Variants in NAPG observed in about 807,000 individuals in gnomAD.
NAPG encodes the protein gamma-soluble NSF attachment protein.
In NAPG, 25 loss-of-function variants were observed where a neutral mutation model predicts 48.4. The ratio of observed to expected loss-of-function variants is 0.52; its 90% CI spans 0.38 to 0.72. The LOEUF (loss-of-function observed/expected upper bound fraction) is 0.72. NAPG is among the 30% of genes least tolerant of loss of function. The pLI is 0.00. For synonymous variants in NAPG, 139 were observed against 127.2 expected, an observed-to-expected ratio of 1.09 and a Z score of -0.62; for missense variants, 359 against 372.5, an observed-to-expected ratio of 0.96 and a Z score of 0.30.
chr18:10,526,258 C>G lies in NAPG; in HGVS notation c.56+100C>G, dbSNP rs540155346. The stretch of plus-strand genomic sequence containing the variant: ...GGGGGGCGGGAGGGAGGGCTCAGGG[C>G]TGAGGGGCCTCGGCGCGCTGGTGCC... On this transcript the variant is annotated intron_variant, in intron 1 of 11. Transcript: ENST00000322897. The G allele has an allele frequency of 7.1e-4, 562 of 791,932 alleles. 1 individual carries two copies. The African/African-American group carries it at 8.3e-3, about 12-fold the overall frequency. The allele number at this position is 791,932 out of a possible 1,614,324, so 49.1% of individuals were successfully genotyped here.
intron 1 of NAPG, 81 bp downstream of exon 1, chr18:10,526,239 C>CCTTAACCCCCGGGGGGGGGG: frequency 2.9e-6 from 1 of 349,038 alleles, no homozygotes; most frequent in Non-Finnish European, 5.8e-6. Flanking sequence ...CCGGGGGGGG[C>CCTTAACCCCCGGGGGGGGGG]GGGAGGGAGG....
At chr18:10,530,534 A>G (rs546506136) in intron 1 of NAPG, among the ~76,000 whole-genome samples, 1 of 152,162 alleles carries the variant, frequency 6.6e-6, no homozygotes, top group East Asian at 1.9e-4. Flanking sequence ...TGGTCCAGGG[A>G]CCATGAATTG....
rs769140258 is a variant in NAPG, at chr18:10,533,561, T to A, written c.227+8T>A. The stretch of plus-strand genomic sequence containing the variant: ...TCTTTTTCATGCTGCCAAGTAAGTA[T>A]TCTTCATGTTTTCATGTATTTGCAA... On this transcript the variant is annotated splice_region_variant and intron_variant, in intron 4 of 11. Transcript: ENST00000322897. The A allele has an allele frequency of 1.2e-5, 19 of 1,596,970 alleles. No individual in the cohort carries two copies. Among genetic ancestry groups the A allele is most frequent in the Non-Finnish European group, 1.4e-5 (17 of 1,173,308 alleles).
intron 8 of NAPG, among the ~76,000 whole-genome samples, chr18:10,541,594 A>G (rs1021593831): frequency 9.2e-5 from 14 of 152,292 alleles, no homozygotes; most frequent in Admixed American, 2.0e-4. Flanking sequence ...TCTTAGAAAC[A>G]GTGTCCTTCA....
chr18:10,531,216 G>A (rs1490094712), intron 2 of NAPG, among the ~76,000 whole-genome samples: 6 of 152,002 alleles, frequency 3.9e-5, no homozygotes, highest in African/African-American at 1.4e-4. Context: ...TGTTAACTTA[G>A]CCTCATCTTA....
chr18:10,532,412 G>GT, intron 2 of NAPG, among the ~76,000 whole-genome samples: 1 of 152,290 alleles, frequency 6.6e-6, no homozygotes, highest in Admixed American at 6.5e-5. Flanking sequence ...TTACTGGGGA[G>GT]TATTGGGGAG....
chr18:10,537,691 C>T (rs2143113901), intron 5 of NAPG, among the ~76,000 whole-genome samples: 1 of 152,280 alleles, frequency 6.6e-6, no homozygotes, highest in African/African-American at 2.4e-5. Context: ...AGATATTTTT[C>T]AGCAGATATT....
chr18:10,533,289 CTT>C (rs2031967578), intron 3 of NAPG: 1 of 378,810 alleles, frequency 2.6e-6, no homozygotes, highest in Non-Finnish European at 4.7e-6. Context: ...TTCAGTAAAA[CTT>C]CAGATTATTG....
In NAPG at chr18:10,552,013, A is replaced by C. The variant is rs1386200325; in HGVS notation, c.*1793A>C. On this transcript the variant is annotated 3_prime_UTR_variant, in exon 12 of 12. Coordinates refer to ENST00000322897, the MANE Select transcript of NAPG (RefSeq NM_003826.3). ...TTGCAGCTTGTATCCTTTAGATCCA[A>C]TCGGAAACTTCTGGAGTCTTACATT... 6.6e-6 allele frequency: 1 copy of C among 152,206 alleles called. No individual in the cohort carries two copies. The highest frequency in any genetic ancestry group is 1.5e-5 in the Non-Finnish European group (1 of 68,034). 9.4% of individuals were successfully genotyped at this position (152,206 alleles called of 1,614,324 possible).
rs2031800766 is a variant in NAPG at position 10,526,091 on chromosome 18, C to T, written c.-12C>T. Reference sequence around the variant, plus strand: ...GTCACCCTCTCTCCACGTCAGAGACCTGACTGTGGAGATGGCGGCTCAGAA... The same window carrying T: ...GTCACCCTCTCTCCACGTCAGAGACTTGACTGTGGAGATGGCGGCTCAGAA... On this transcript the variant is annotated 5_prime_UTR_variant, in exon 1 of 12. Coordinates refer to ENST00000322897, the MANE Select transcript of NAPG (RefSeq NM_003826.3). 8 of 1,612,726 alleles carry T rather than the reference C, an allele frequency of 5.0e-6. No individual in the cohort carries two copies. The highest frequency in any genetic ancestry group is 6.8e-6 in the Non-Finnish European group (8 of 1,178,830).
intron 1 of NAPG, among the ~76,000 whole-genome samples, chr18:10,528,260 A>G (rs2031861048): frequency 6.6e-6 from 1 of 152,216 alleles, no homozygotes; most frequent in Non-Finnish European, 1.5e-5. Flanking sequence ...TGACATATTC[A>G]GTAAACGAAC....
chr18:10,552,723 A>G lies in NAPG; in HGVS notation c.*2503A>G, dbSNP rs1054256317. On this transcript the variant is annotated 3_prime_UTR_variant, in exon 12 of 12. Transcript: ENST00000322897. ...TATGGAAATACAGATTATTGCTTCT[A>G]TAGGAAGATAATTATGAAAATAAAA... 2 of 152,232 alleles carry G rather than the reference A, an allele frequency of 1.3e-5. No individual in the cohort carries two copies. The highest frequency in any genetic ancestry group is 4.8e-5 in the African/African-American group (2 of 41,448). 9.4% of individuals were successfully genotyped at this position (152,232 alleles called of 1,614,324 possible).
In NAPG at chr18:10,545,687, G is replaced by T. The variant is rs562499986; in HGVS notation, c.507-639G>T. ...GGGTAAGGGCCTGGAGGGTTTGGGG[G>T]AAATGTTTTGGTGACCCCTTTCCTT... is the stretch of plus-strand genomic sequence containing the variant. On this transcript the variant is annotated intron_variant, in intron 8 of 11. Coordinates refer to ENST00000322897, the MANE Select transcript of NAPG (RefSeq NM_003826.3). Among the ~76,000 whole-genome samples the T allele has an allele frequency of 1.6e-4, 24 of 152,334 alleles. 1 individual carries two copies. The highest frequency in any genetic ancestry group is 1.5e-3 in the Admixed American group (23 of 15,308).
chr18:10,526,704 C>T (rs572303624), intron 1 of NAPG: 4 of 154,552 alleles, frequency 2.6e-5, no homozygotes, highest in Admixed American at 1.3e-4. Context: ...TTTACTGTCC[C>T]TGTGGGCAGG....
At chr18:10,527,724 C>T (rs2031848243) in intron 1 of NAPG, among the ~76,000 whole-genome samples, 1 of 152,072 alleles carries the variant, frequency 6.6e-6, no homozygotes, top group Non-Finnish European at 1.5e-5. Flanking sequence ...GTATTATACG[C>T]GGGCCTGAAA....
At chr18:10,540,263 A>G (rs1567891483) in intron 7 of NAPG, 66 bp from the exon 8 acceptor site, 2 of 1,407,670 alleles carry the variant, frequency 1.4e-6, no homozygotes, top group East Asian at 4.6e-5. Flanking sequence ...TACAAAATAA[A>G]TATTAGGGGA....
Position 10,550,378 on chromosome 18 carries a change from C to T in NAPG, c.*158C>T. The T allele has an allele frequency of 1.5e-6, 1 of 654,548 alleles. No homozygotes were observed. Among genetic ancestry groups the T allele is most frequent in the Non-Finnish European group, 2.4e-6 (1 of 419,758 alleles). The allele number at this position is 654,548 out of a possible 1,614,324, so 40.5% of individuals were successfully genotyped here. ...TTAGTTACCATCTTCCCAAATCACT[C>T]ATTGTATCCATTACCTGTGAAGCAT... On this transcript the variant is annotated 3_prime_UTR_variant, in exon 12 of 12. Coordinates refer to ENST00000322897, the MANE Select transcript of NAPG (RefSeq NM_003826.3).
rs2032188777 is a variant in NAPG at position 10,543,108 on chromosome 18, G to C, written c.506+2709G>C. Among the ~76,000 whole-genome samples the C allele has an allele frequency of 1.3e-5, 2 of 149,398 alleles. No homozygotes were observed. Among genetic ancestry groups the C allele is most frequent in the South Asian group, 4.2e-4 (2 of 4,726 alleles). On this transcript the variant is annotated intron_variant, in intron 8 of 11. Coordinates refer to ENST00000322897, the MANE Select transcript of NAPG (RefSeq NM_003826.3). The surrounding 1 kb of genome is among the most constrained non-coding windows in gnomAD (Gnocchi z 4.4). ...CTGGAGAATCGCTTGAACCCAGGAG[G>C]CACAGGTTGCAGTGAGACTCCCATC...
rs1723864437 is a variant in NAPG at position 10,539,382 on chromosome 18, A to G, written c.259-380A>G. ...AGGGACATGGATGAAGCTGGAAGCC[A>G]TCATTCTTGGCAAACTAACAAACAC... On this transcript the variant is annotated intron_variant, in intron 5 of 11. Coordinates refer to ENST00000322897, the MANE Select transcript of NAPG (RefSeq NM_003826.3). This position sits in a 1 kb window ranked among gnomAD's most constrained non-coding sequence, Gnocchi z 4.7. The G allele has an allele frequency of 1.0e-5, 2 of 192,496 alleles. No homozygotes were observed. The highest frequency in any genetic ancestry group is 2.4e-5 in the African/African-American group (1 of 42,338). The allele number at this position is 192,496 out of a possible 1,614,324, so 11.9% of individuals were successfully genotyped here.
Sources: gnomAD v4.1 joint callset for allele counts (sites outside exome capture counted in the v4.1 genomes callset) on GRCh38, gnomAD v4.1.1 for gene constraint, Gnocchi (gnomAD v3.1) non-coding constraint, MANE v1.5 for transcripts, NCBI Gene and HGNC (gene_info 2026-07-23, HGNC 2026-07-21) for gene names.